Variants in MGAT4C observed in about 807,000 individuals in gnomAD.
MGAT4C encodes MGAT4 family member C.
Under a neutral mutation model 40.1 loss-of-function variants are expected in MGAT4C, and 19 were observed. That is an observed-to-expected ratio of 0.47 (90% CI 0.33 to 0.70). MGAT4C has a LOEUF of 0.70. Ranked by LOEUF, MGAT4C falls within the 30% of genes least tolerant of loss-of-function variation. The pLI is 0.02. For synonymous variants in MGAT4C, 181 were observed against 187.1 expected (o/e 0.97, Z 0.27); for missense variants, 491 against 563.2 (o/e 0.87, Z 1.30).
intron 2 of MGAT4C, among the ~76,000 whole-genome samples, chr12:86,499,076 CT>C (rs781583477): frequency 2.6e-5 from 4 of 151,664 alleles, no homozygotes; most frequent in African/African-American, 4.8e-5. Context: ...GAAATGTTGT[CT>C]TTTTTATTTT....
chr12:86,763,707 CAA>C (rs1015038143), intron 1 of MGAT4C, among the ~76,000 whole-genome samples: 2 of 152,032 alleles, frequency 1.3e-5, no homozygotes, highest in Admixed American at 1.3e-4. Flanking sequence ...CAACTGAACT[CAA>C]TAACACACAC....
intron 1 of MGAT4C, among the ~76,000 whole-genome samples, chr12:86,170,846 G>T (rs1390010660): frequency 6.6e-6 from 1 of 152,040 alleles, no homozygotes; most frequent in East Asian, 1.9e-4. Flanking sequence ...CGAGCTACTA[G>T]AGAGGCTGAG....
At chr12:86,446,328 C>T (rs764372587) in intron 2 of MGAT4C, among the ~76,000 whole-genome samples, 1 of 151,866 alleles carries the variant, frequency 6.6e-6, no homozygotes. Context: ...AGGAAAGCTG[C>T]TCCAATTGGC....
chr12:86,057,862 A>G (rs774623273), intron 1 of MGAT4C, among the ~76,000 whole-genome samples: 2 of 152,192 alleles, frequency 1.3e-5, no homozygotes, highest in African/African-American at 2.4e-5. Context: ...CAAGATTTCT[A>G]TAGCAGACAG....
intron 2 of MGAT4C, among the ~76,000 whole-genome samples, chr12:86,006,361 G>A (rs1446896145): frequency 6.6e-6 from 1 of 152,082 alleles, no homozygotes; most frequent in Non-Finnish European, 1.5e-5. Context: ...AATTTTCATA[G>A]AAATTCCCCT....
chr12:86,304,380 A>G (rs966307988), intron 4 of MGAT4C, among the ~76,000 whole-genome samples: 1 of 150,494 alleles, frequency 6.6e-6, no homozygotes, highest in Non-Finnish European at 1.5e-5. Flanking sequence ...TCATTTACAT[A>G]CTCTACTTTC....
chr12:86,408,448 A>ACTCACTCTCT (rs1377202456), intron 3 of MGAT4C, among the ~76,000 whole-genome samples: 1 of 29,358 alleles, frequency 3.4e-5, no homozygotes, highest in African/African-American at 1.4e-4. Context: ...TACATAGTAA[A>ACTCACTCTCT]CTCTCTCTCT....
chr12:86,668,503 T>G (rs922428478), intron 2 of MGAT4C, among the ~76,000 whole-genome samples: 1 of 152,160 alleles, frequency 6.6e-6, no homozygotes, highest in Non-Finnish European at 1.5e-5. Flanking sequence ...GCAAAGACAC[T>G]GGGAACAGCT....
At chr12:86,720,933 G>T (rs1283728146) in intron 2 of MGAT4C, among the ~76,000 whole-genome samples, 1 of 152,144 alleles carries the variant, frequency 6.6e-6, no homozygotes, top group Non-Finnish European at 1.5e-5. Context: ...TCTTTGGAGA[G>T]AGCTGAGCAA....
At chr12:86,630,519 C>T (rs1222582720) in intron 2 of MGAT4C, among the ~76,000 whole-genome samples, 1 of 152,124 alleles carries the variant, frequency 6.6e-6, no homozygotes, top group Non-Finnish European at 1.5e-5. Context: ...TACTCGCAAA[C>T]TGAATCCAGC....
chr12:86,305,915 C>T (rs543196704), intron 4 of MGAT4C, among the ~76,000 whole-genome samples: 1 of 150,360 alleles, frequency 6.7e-6, no homozygotes, highest in Non-Finnish European at 1.5e-5. Context: ...CACTTACTTA[C>T]TTTTATATAA....
At chr12:85,995,587 G>C (rs993203270) in intron 2 of MGAT4C, among the ~76,000 whole-genome samples, 2 of 152,218 alleles carry the variant, frequency 1.3e-5, no homozygotes, top group African/African-American at 4.8e-5. Flanking sequence ...ATACTCAGAG[G>C]CCAGCTGCGG....
At chr12:86,195,154 G>T (rs1260816175) in intron 1 of MGAT4C, among the ~76,000 whole-genome samples, 1 of 152,138 alleles carries the variant, frequency 6.6e-6, no homozygotes, top group Non-Finnish European at 1.5e-5. Context: ...TGACTTCTCA[G>T]TATCTGGACC....
At chr12:86,594,434 G>A (rs559220126) in intron 2 of MGAT4C, among the ~76,000 whole-genome samples, 29 of 152,188 alleles carry the variant, frequency 1.9e-4, no homozygotes, top group Admixed American at 3.9e-4. Context: ...CACCAGTTTC[G>A]CTGGGAGTGA....
intron 2 of MGAT4C, among the ~76,000 whole-genome samples, chr12:86,525,650 G>C (rs899659071): frequency 2.6e-5 from 4 of 152,146 alleles, no homozygotes; most frequent in Admixed American, 1.3e-4. Flanking sequence ...TTAAGGATTT[G>C]ATTGTGGTAT....
intron 1 of MGAT4C, among the ~76,000 whole-genome samples, chr12:86,751,127 C>A (rs750929321): frequency 6.6e-6 from 1 of 151,962 alleles, no homozygotes; most frequent in Non-Finnish European, 1.5e-5. Flanking sequence ...ATGGGTTCAT[C>A]ACTGGTTTGA....
At chr12:86,292,471 C>T (rs1953547432) in intron 4 of MGAT4C, among the ~76,000 whole-genome samples, 2 of 151,328 alleles carry the variant, frequency 1.3e-5, no homozygotes, top group African/African-American at 4.9e-5. Context: ...ATCAGGAGAG[C>T]TATTCCATTT....
intron 4 of MGAT4C, among the ~76,000 whole-genome samples, chr12:86,263,464 T>C (rs886553143): frequency 6.6e-6 from 1 of 152,224 alleles, no homozygotes; most frequent in Non-Finnish European, 1.5e-5. Context: ...TCATTTCAGA[T>C]AATGTCCTCC....
At position 86,502,718 on chromosome 12, in the gene MGAT4C, T is replaced by TATACACGAGTTCTGCTCATATATAA. The variant is rs1958374906; in HGVS notation, c.-228-67478_-228-67454dup. ...TATACACGAGATCTGCTCATATATA[T>TATACACGAGTTCTGCTCATATATAA]ATACACGAGTTCTGCTCATATATAA... On this transcript the variant is annotated intron_variant, in intron 2 of 7. Coordinates refer to the MGAT4C transcript ENST00000548651. Among the ~76,000 whole-genome samples the TATACACGAGTTCTGCTCATATATAA allele has an allele frequency of 2.2e-4, 32 of 144,828 alleles. 1 individual carries two copies. The highest frequency in any genetic ancestry group is 6.6e-4 in the African/African-American group (26 of 39,424).
Sources: allele counts gnomAD v4.1 joint callset (sites outside exome capture counted in the v4.1 genomes callset), GRCh38; gene constraint gnomAD v4.1.1; transcripts MANE v1.5; gene names NCBI Gene and HGNC (gene_info 2026-07-23, HGNC 2026-07-21).